The following PLCL1 variants were observed in gnomAD, a reference collection of about 807,000 sequenced individuals.
The protein encoded by PLCL1 is phospholipase C like 1 (inactive).
In PLCL1, 41 loss-of-function variants were observed where a neutral mutation model predicts 84.4. That is an observed-to-expected ratio of 0.49 (90% confidence interval 0.38 to 0.63). The LOEUF is 0.63. PLCL1 is among the 30% of genes least tolerant of loss of function. PLCL1 has a pLI of 0.00. For missense variants in PLCL1, 1,206 were observed against 1,367.8 expected (o/e 0.88, Z 1.87); for synonymous variants, 490 against 488.3 (o/e 1.00, Z -0.05).
At chr2:198,069,909 A>G (rs1337542629) in intron 1 of PLCL1, among the ~76,000 whole-genome samples, 2 of 152,194 alleles carry the variant, frequency 1.3e-5, no homozygotes, top group African/African-American at 4.8e-5. Flanking sequence ...AGGACCCTCT[A>G]TTAAAGAAGA....
chr2:198,053,179 C>T (rs970440662), intron 1 of PLCL1, among the ~76,000 whole-genome samples: 2 of 152,194 alleles, frequency 1.3e-5, no homozygotes, highest in African/African-American at 4.8e-5. Context: ...GTGAGAGCTA[C>T]ATGTAAGAGT....
intron 1 of PLCL1, among the ~76,000 whole-genome samples, chr2:198,047,665 T>C (rs529884644): frequency 2.0e-5 from 3 of 152,240 alleles, no homozygotes; most frequent in South Asian, 4.1e-4. Flanking sequence ...GTTGAACATA[T>C]ATTGGGGAAA....
chr2:198,032,852 T>C (rs1691459715), intron 1 of PLCL1, among the ~76,000 whole-genome samples: 1 of 152,304 alleles, frequency 6.6e-6, no homozygotes, highest in East Asian at 1.9e-4. Flanking sequence ...TAAATGCATG[T>C]GTTTATTCCA....
At chr2:197,984,411 C>G (rs1298455021) in intron 1 of PLCL1, among the ~76,000 whole-genome samples, 1 of 151,862 alleles carries the variant, frequency 6.6e-6, no homozygotes, top group African/African-American at 2.4e-5. Flanking sequence ...TCAATAGTGA[C>G]TGGCTCTGAT....
At chr2:198,111,457 A>C (rs1178942160) in intron 5 of PLCL1, among the ~76,000 whole-genome samples, 2 of 151,898 alleles carry the variant, frequency 1.3e-5, no homozygotes, top group African/African-American at 2.4e-5. Flanking sequence ...TGGTAAATAC[A>C]ATCTACCAGT....
intron 1 of PLCL1, among the ~76,000 whole-genome samples, chr2:197,907,423 G>A (rs1483506619): frequency 6.6e-6 from 1 of 152,018 alleles, no homozygotes; most frequent in Non-Finnish European, 1.5e-5. Context: ...ATTTTTAGTG[G>A]AGACGGGGTT....
chr2:197,867,320 T>C (rs888038209), intron 1 of PLCL1, among the ~76,000 whole-genome samples: 1 of 152,170 alleles, frequency 6.6e-6, no homozygotes, highest in Non-Finnish European at 1.5e-5. Context: ...AATGGGCTAC[T>C]GTGCTGTGCT....
intron 1 of PLCL1, among the ~76,000 whole-genome samples, chr2:197,971,844 C>T (rs987176373): frequency 6.6e-6 from 1 of 152,100 alleles, no homozygotes; most frequent in Non-Finnish European, 1.5e-5. Flanking sequence ...TTATGGGTAA[C>T]ATCAGGACAA....
intron 1 of PLCL1, among the ~76,000 whole-genome samples, chr2:198,015,671 G>C (rs931489025): frequency 1.3e-5 from 2 of 152,106 alleles, no homozygotes; most frequent in African/African-American, 4.8e-5. Context: ...GAGACAGACA[G>C]CTCCGAGTTA....
chr2:198,096,262 T>TATG (rs1199863485), intron 3 of PLCL1, among the ~76,000 whole-genome samples: 1 of 152,216 alleles, frequency 6.6e-6, no homozygotes, highest in East Asian at 1.9e-4. Context: ...CATTTAGTCC[T>TATG]ATGATAGACT....
At chr2:198,004,218 T>C (rs1364153989) in intron 1 of PLCL1, among the ~76,000 whole-genome samples, 1 of 152,192 alleles carries the variant, frequency 6.6e-6, no homozygotes, top group African/African-American at 2.4e-5. Flanking sequence ...TTGTGGAAAC[T>C]CAATAGATCT....
intron 1 of PLCL1, among the ~76,000 whole-genome samples, chr2:197,826,579 A>C (rs974156965): frequency 6.6e-6 from 1 of 152,166 alleles, no homozygotes; most frequent in Non-Finnish European, 1.5e-5. Context: ...AATTCTTTTT[A>C]CACTATAATA....
chr2:198,125,091 A>G (rs944162112), intron 5 of PLCL1, among the ~76,000 whole-genome samples: 3 of 152,248 alleles, frequency 2.0e-5, no homozygotes, highest in African/African-American at 4.8e-5. Context: ...TCTGGGCTCT[A>G]GAGTTGTGCC....
At chr2:197,977,571 C>T (rs916790432) in intron 1 of PLCL1, among the ~76,000 whole-genome samples, 1 of 152,118 alleles carries the variant, frequency 6.6e-6, no homozygotes, top group African/African-American at 2.4e-5. Flanking sequence ...AAAGTGTCTT[C>T]CATATCTGTT....
chr2:197,961,238 GGAGAGA>G lies in PLCL1; in HGVS notation c.241-122496_241-122491del, dbSNP rs60411488. ...TTATTTGAAGGTCATTTGGGAAGGT[GGAGAGA>G]GAGAGAGAGAGAGAGAGAGAGAGCG... is the stretch of plus-strand genomic sequence containing the variant. On this transcript the variant is annotated intron_variant, in intron 1 of 5. Transcript: ENST00000428675. Among the ~76,000 whole-genome samples, 240 of 145,862 alleles carry G rather than the reference GGAGAGA, an allele frequency of 1.6e-3. 2 individuals carry two copies. The highest frequency in any genetic ancestry group is 4.1e-3 in the African/African-American group (163 of 39,794).
intron 3 of PLCL1, among the ~76,000 whole-genome samples, chr2:198,097,312 A>G (rs1178650955): frequency 6.6e-6 from 1 of 152,186 alleles, no homozygotes; most frequent in East Asian, 1.9e-4. Flanking sequence ...TCTACTTGGT[A>G]CCAGGATCTC....
At chr2:198,063,173 T>C (rs1559090486) in intron 1 of PLCL1, among the ~76,000 whole-genome samples, 1 of 145,874 alleles carries the variant, frequency 6.9e-6, no homozygotes, top group African/African-American at 2.8e-5. Flanking sequence ...ACTGAGTTTT[T>C]TCCTCTTTAT....
At chr2:198,139,872 A>G (rs60610196) in intron 5 of PLCL1, among the ~76,000 whole-genome samples, 382 of 152,268 alleles carry the variant, frequency 2.5e-3, no homozygotes, top group African/African-American at 8.2e-3. Context: ...GTTCACATAT[A>G]CATAGCTTTG....
chr2:197,977,815 C>T (rs1559062565), intron 1 of PLCL1, among the ~76,000 whole-genome samples: 1 of 152,150 alleles, frequency 6.6e-6, no homozygotes, highest in Non-Finnish European at 1.5e-5. Flanking sequence ...TCCATTATTT[C>T]TATTTATGTA....
Sources: allele counts gnomAD v4.1 joint callset (sites outside exome capture counted in the v4.1 genomes callset), GRCh38; gene constraint gnomAD v4.1.1; transcripts MANE v1.5; gene names NCBI Gene and HGNC (gene_info 2026-07-23, HGNC 2026-07-21).